The following SYN2 variants were observed in gnomAD, a reference collection of about 807,000 sequenced individuals.
SYN2 encodes synapsin-2.
SYN2 carries 19 observed loss-of-function variants against 50.9 expected under a neutral mutation model. The observed-to-expected ratio is 0.37, with a 90% CI of 0.26 to 0.55. SYN2 has a LOEUF of 0.55. Among genes scored for constraint, SYN2 ranks in the 20% least tolerant of loss-of-function variants. SYN2 has a pLI of 0.81. For missense variants in SYN2, 587 were observed against 576.4 expected (o/e 1.02, Z -0.19); for synonymous variants, 255 against 224.9 (o/e 1.13, Z -1.20).
Position 12,161,614 on chromosome 3 carries a change from G to T in SYN2, c.837+6G>T. On this transcript the variant is annotated splice_donor_region_variant and intron_variant, in intron 6 of 12. Transcript: ENST00000621198. ...CTCACTCAGGCATGGGCAAGGTGAG[G>T]CAGAGAGGCCTGCTGTGCTTCAGGG... is the stretch of plus-strand genomic sequence containing the variant. The T allele has an allele frequency of 1.2e-6, 2 of 1,614,024 alleles. No homozygotes were observed. The highest frequency in any genetic ancestry group is 1.3e-5 in the African/African-American group (1 of 75,066).
At chr3:12,049,094 C>G (rs1694801681) in intron 1 of SYN2, among the ~76,000 whole-genome samples, 1 of 152,102 alleles carries the variant, frequency 6.6e-6, no homozygotes, top group Non-Finnish European at 1.5e-5. Flanking sequence ...TGAGCACATG[C>G]TTATCGAACA....
At chr3:12,185,547 G>A (rs1048302031) in intron 11 of SYN2, 8 of 985,846 alleles carry the variant, frequency 8.1e-6, no homozygotes, top group Non-Finnish European at 9.6e-6. Flanking sequence ...GGGGACATCT[G>A]TGTCACAGTA....
At chr3:12,183,401 T>C in intron 11 of SYN2, 29 bp downstream of exon 11, 1 of 1,613,788 alleles carries the variant, frequency 6.2e-7, no homozygotes, top group South Asian at 1.1e-5. Flanking sequence ...TCGACTGTAA[T>C]GGCATTGCAG....
At chr3:12,160,149 G>A (rs920629221) in intron 5 of SYN2, among the ~76,000 whole-genome samples, 15 of 151,848 alleles carry the variant, frequency 9.9e-5, no homozygotes, top group Non-Finnish European at 1.9e-4. Context: ...AGTGTTGCAA[G>A]CCTCCAAATC....
At chr3:12,013,815 C>T (rs1017707107) in intron 1 of SYN2, among the ~76,000 whole-genome samples, 4 of 152,078 alleles carry the variant, frequency 2.6e-5, no homozygotes, top group African/African-American at 9.7e-5. Context: ...GTGATTTGAC[C>T]CCTGCTTTCT....
At chr3:12,018,210 G>A (rs1384608611) in intron 1 of SYN2, among the ~76,000 whole-genome samples, 2 of 152,176 alleles carry the variant, frequency 1.3e-5, no homozygotes, top group African/African-American at 2.4e-5. Context: ...TCTGAGCTGA[G>A]CTTTGAAAGA....
At chr3:12,019,331 A>T (rs1208453693) in intron 1 of SYN2, among the ~76,000 whole-genome samples, 1 of 152,212 alleles carries the variant, frequency 6.6e-6, no homozygotes, top group Non-Finnish European at 1.5e-5. Flanking sequence ...CCCGTGAGCT[A>T]ACCATGTTAG....
chr3:12,091,058 A>T (rs963239129), intron 1 of SYN2, among the ~76,000 whole-genome samples: 2 of 152,178 alleles, frequency 1.3e-5, no homozygotes, highest in Non-Finnish European at 2.9e-5. Context: ...TTCCCCTCAT[A>T]ATCTTGGTAG....
chr3:12,183,266 A>C (rs1423886351), intron 10 of SYN2, 46 bp from the exon 11 acceptor site: 1 of 1,575,662 alleles, frequency 6.3e-7, no homozygotes, highest in Non-Finnish European at 8.6e-7. Flanking sequence ...TTTGGAATTC[A>C]GTGGCTTGGA....
intron 11 of SYN2, chr3:12,185,219 G>T (rs567103407): frequency 1.0e-6 from 1 of 985,682 alleles, no homozygotes; most frequent in East Asian, 1.1e-4. Flanking sequence ...CTGATGAAAC[G>T]ATAGAATAAA....
chr3:12,025,435 C>G (rs1203890350), intron 1 of SYN2, among the ~76,000 whole-genome samples: 3 of 152,192 alleles, frequency 2.0e-5, no homozygotes, highest in African/African-American at 7.2e-5. Flanking sequence ...GTATGAGATA[C>G]TGCCTAAGTG....
Position 12,169,912 on chromosome 3 carries a change from C to T in SYN2, c.1308+6C>T. 1 of 1,602,386 alleles carries T rather than the reference C, an allele frequency of 6.2e-7. No individual in the cohort carries two copies. The highest frequency in any genetic ancestry group is 8.5e-7 in the Non-Finnish European group (1 of 1,174,292). On this transcript the variant is annotated splice_donor_region_variant and intron_variant, in intron 10 of 12. Coordinates refer to ENST00000621198, the MANE Select transcript of SYN2 (RefSeq NM_133625.6). ...TAACAACCCAGCAGCCACAGGTAAG[C>T]AGCTAGGAAGAGACATAGCAGAGCC...
chr3:12,055,833 C>T (rs937670706), intron 1 of SYN2, among the ~76,000 whole-genome samples: 15 of 152,078 alleles, frequency 9.9e-5, no homozygotes, highest in Admixed American at 2.0e-4. Flanking sequence ...AGAGTATTAC[C>T]GTTTTGCAAC....
chr3:12,117,417 C>T (rs972871166), intron 1 of SYN2, among the ~76,000 whole-genome samples: 6 of 152,156 alleles, frequency 3.9e-5, no homozygotes, highest in African/African-American at 1.4e-4. Flanking sequence ...CCTAATTGTA[C>T]CTTACCAATG....
At chr3:12,160,886 AGT>A (rs1697630435) in intron 5 of SYN2, among the ~76,000 whole-genome samples, 1 of 152,212 alleles carries the variant, frequency 6.6e-6, no homozygotes, top group Non-Finnish European at 1.5e-5. Flanking sequence ...TGGCTACCTC[AGT>A]GTAGAGTTCG....
chr3:12,033,996 T>C (rs1483089201), intron 1 of SYN2, among the ~76,000 whole-genome samples: 1 of 152,270 alleles, frequency 6.6e-6, no homozygotes, highest in Non-Finnish European at 1.5e-5. Context: ...TGAATATTTA[T>C]GTACAAGTTG....
At chr3:12,088,576 G>A (rs577471290) in intron 1 of SYN2, among the ~76,000 whole-genome samples, 25 of 152,200 alleles carry the variant, frequency 1.6e-4, no homozygotes, top group African/African-American at 9.6e-5. Context: ...TCAGTATGTC[G>A]AAGAGATATT....
At position 12,008,246 on chromosome 3, in the gene SYN2, G is replaced by A. The variant is rs539506952; in HGVS notation, c.377+3318G>A. Among the ~76,000 whole-genome samples the A allele has an allele frequency of 2.0e-5, 3 of 152,242 alleles. No homozygotes were observed. The South Asian group carries it at 6.2e-4, about 32-fold the overall frequency. ...CTTTTCATCCTGGCATGATGTTTCA[G>A]TGTTTGATTCAGTATAGCACAGGTA... is the stretch of plus-strand genomic sequence containing the variant. On this transcript the variant is annotated intron_variant, in intron 1 of 12. Coordinates refer to ENST00000621198, the MANE Select transcript of SYN2 (RefSeq NM_133625.6).
intron 1 of SYN2, among the ~76,000 whole-genome samples, chr3:12,072,478 C>A (rs770813694): frequency 9.2e-5 from 14 of 152,086 alleles, no homozygotes; most frequent in Non-Finnish European, 1.5e-4. Flanking sequence ...AGCCCTTCAT[C>A]CATTCTGAGT....
Sources: allele counts gnomAD v4.1 joint callset (sites outside exome capture counted in the v4.1 genomes callset), GRCh38; gene constraint gnomAD v4.1.1; transcripts MANE v1.5; gene names NCBI Gene and HGNC (gene_info 2026-07-23, HGNC 2026-07-21).